Variants in AMZ1 observed in about 807,000 individuals in gnomAD.
AMZ1 encodes archaemetzincin-1.
AMZ1 carries 39 observed loss-of-function variants against 29.9 expected under a neutral mutation model. The observed-to-expected ratio is 1.30, with a 90% CI of 1.01 to 1.70. AMZ1 has a LOEUF of 1.70. Ranked by LOEUF, AMZ1 falls within the 40% of genes most tolerant of loss-of-function variation. AMZ1 has a pLI of 0.00. For missense variants in AMZ1, 1,041 were observed against 680.6 expected, an observed-to-expected ratio of 1.53 and a Z score of -5.89; for synonymous variants, 458 against 304.0, an observed-to-expected ratio of 1.51 and a Z score of -5.27.
At chr7:2,746,435 A>G (rs1790767022) in intron 4 of AMZ1, among the ~76,000 whole-genome samples, 1 of 152,254 alleles carries the variant, frequency 6.6e-6, no homozygotes, top group Admixed American at 6.5e-5. Flanking sequence ...ACATAATGAA[A>G]TGAAGGCAGA....
chr7:2,729,783 C>A (rs1221319404), intron 4 of AMZ1: 2 of 152,402 alleles, frequency 1.3e-5, no homozygotes, highest in African/African-American at 4.8e-5. Context: ...TCCCAAAACA[C>A]ACTAGGCAGG....
chr7:2,756,484 A>T (rs1583244350), intron 4 of AMZ1, among the ~76,000 whole-genome samples: 1 of 152,124 alleles, frequency 6.6e-6, no homozygotes, highest in East Asian at 1.9e-4. Flanking sequence ...GTGTGGTGGC[A>T]CACGCCTATA....
At chr7:2,740,370 C>A (rs143511799) in intron 4 of AMZ1, among the ~76,000 whole-genome samples, 2 of 152,032 alleles carry the variant, frequency 1.3e-5, no homozygotes, top group Admixed American at 6.5e-5. Context: ...AAGAAGAGAC[C>A]GGAGAGCTCT....
chr7:2,709,739 C>A lies in AMZ1; in HGVS notation c.871C>A (p.Arg291=), dbSNP rs138351044. Residue 291 remains arginine, a synonymous_variant, in exon 6 of 7, where the codon CGG becomes AGG. Transcript: ENST00000683327. ...GCTCAGCCTGGACGAGGCCCTGCGGCGGCCCCTGGACCTCTGTCCCATCTG... is the reference window on the plus strand; with the variant it reads ...GCTCAGCCTGGACGAGGCCCTGCGGAGGCCCCTGGACCTCTGTCCCATCTG... ...GALSLDEALR[R]PLDLCPICLR... 4 of 1,611,498 alleles carry A rather than the reference C, an allele frequency of 2.5e-6. No individual in the cohort carries two copies. The highest frequency in any genetic ancestry group is 3.4e-6 in the Non-Finnish European group (4 of 1,179,870).
chr7:2,691,131 CAAAA>C (rs35603123), intron 1 of AMZ1, among the ~76,000 whole-genome samples: 24 of 68,718 alleles, frequency 3.5e-4, no homozygotes, highest in Admixed American at 2.4e-3. Context: ...GTGACAGAGG[CAAAA>C]AAAAAAAAAA....
At chr7:2,721,150 C>T (rs986493225), downstream of AMZ1, among the ~76,000 whole-genome samples, 11 of 152,276 alleles carry the variant, frequency 7.2e-5, no homozygotes, top group African/African-American at 2.6e-4. Flanking sequence ...CTGCCAATGC[C>T]GGGAGGAAGA....
intron 6 of AMZ1, 144 bp downstream of exon 6, chr7:2,709,960 C>A: frequency 2.6e-6 from 3 of 1,172,490 alleles, no homozygotes; most frequent in Non-Finnish European, 3.6e-6. Context: ...GCCCTGGGAC[C>A]TGCGCTGGGG....
chr7:2,729,629 G>A (rs1789786825), intron 4 of AMZ1: 1 of 152,186 alleles, frequency 6.6e-6, no homozygotes. Context: ...CGGAAAACAA[G>A]CCAAGGGTGA....
chr7:2,743,187 T>C (rs1260019389), intron 4 of AMZ1, among the ~76,000 whole-genome samples: 3 of 152,124 alleles, frequency 2.0e-5, no homozygotes, highest in African/African-American at 4.8e-5. Context: ...ACCGTATATA[T>C]GGGGGCAAAC....
In AMZ1 at chr7:2,715,750, CTT is replaced by C. The variant is rs1789085507; in HGVS notation, c.*2873_*2874del. 6.6e-6 allele frequency: 1 copy of C among 152,216 alleles called. No individual in the cohort carries two copies. Among genetic ancestry groups the C allele is most frequent in the Non-Finnish European group, 1.5e-5 (1 of 68,050 alleles). The allele number at this position is 152,216 out of a possible 1,614,324, so 9.4% of individuals were successfully genotyped here. A position where few individuals can be genotyped will look rare whatever the true frequency, so the allele number is the denominator to read the frequency against. On this transcript the variant is annotated 3_prime_UTR_variant, in exon 7 of 7. Transcript: ENST00000683327. The stretch of plus-strand genomic sequence containing the variant: ...CTGTCTGTGCTGTGGTGAAGAGTGA[CTT>C]GGGACAGTCACCAGGAAAGACGCAA...
chr7:2,687,610 C>G (rs1485969996), upstream of AMZ1, among the ~76,000 whole-genome samples: 1 of 152,250 alleles, frequency 6.6e-6, no homozygotes, highest in African/African-American at 2.4e-5. Context: ...AGGGCCAGGG[C>G]TGCACTCACA....
chr7:2,724,200 T>C (rs909080976), downstream of AMZ1, among the ~76,000 whole-genome samples: 1 of 152,188 alleles, frequency 6.6e-6, no homozygotes, highest in Non-Finnish European at 1.5e-5. Context: ...ATTACGGGCA[T>C]GAGCCACTGC....
At chr7:2,738,749 A>G (rs1164310049) in intron 4 of AMZ1, among the ~76,000 whole-genome samples, 1 of 152,222 alleles carries the variant, frequency 6.6e-6, no homozygotes, top group African/African-American at 2.4e-5. Flanking sequence ...CTCAAAATTG[A>G]ACCCAAATTA....
chr7:2,757,960 C>T (rs986680090), intron 4 of AMZ1, among the ~76,000 whole-genome samples: 2 of 152,168 alleles, frequency 1.3e-5, no homozygotes, highest in Admixed American at 1.3e-4. Context: ...ATGATTCTTC[C>T]CTCCCCCTGC....
intron 4 of AMZ1, among the ~76,000 whole-genome samples, chr7:2,741,602 A>G (rs780881679): frequency 2.6e-5 from 4 of 152,170 alleles, no homozygotes; most frequent in Non-Finnish European, 5.9e-5. Flanking sequence ...AAAAGTTGCA[A>G]GAATAGTACA....
At chr7:2,750,845 T>C (rs1228366273) in intron 4 of AMZ1, among the ~76,000 whole-genome samples, 4 of 152,142 alleles carry the variant, frequency 2.6e-5, no homozygotes, top group African/African-American at 9.7e-5. Context: ...GGCGAAAGTT[T>C]TAGAGTTATC....
chr7:2,684,261 A>G (rs1303403374), upstream of AMZ1, among the ~76,000 whole-genome samples: 1 of 151,930 alleles, frequency 6.6e-6, no homozygotes, highest in East Asian at 1.9e-4. Context: ...AGTCACTTGC[A>G]TTGGATTTAG....
At chr7:2,761,468 A>C (rs1791552257), upstream of AMZ1, among the ~76,000 whole-genome samples, 1 of 152,238 alleles carries the variant, frequency 6.6e-6, no homozygotes, top group Non-Finnish European at 1.5e-5. Context: ...ACAAATAAAG[A>C]AGAAAACCAG....
intron 4 of AMZ1, among the ~76,000 whole-genome samples, chr7:2,744,342 A>G (rs1790661636): frequency 6.6e-6 from 1 of 152,224 alleles, no homozygotes; most frequent in South Asian, 2.1e-4. Context: ...ACGATCAGGC[A>G]GCAGCATTTG....
Sources: gnomAD v4.1 joint callset for allele counts (sites outside exome capture counted in the v4.1 genomes callset) on GRCh38, gnomAD v4.1.1 for gene constraint, MANE v1.5 for transcripts, NCBI Gene and HGNC (gene_info 2026-07-23, HGNC 2026-07-21) for gene names.